Variants in DEGS1 observed in about 807,000 individuals in gnomAD.
The protein encoded by DEGS1 is sphingolipid delta(4)-desaturase DES1.
In DEGS1, 17 loss-of-function variants were observed where a neutral mutation model predicts 24.1. That is an observed-to-expected ratio of 0.70 (90% CI 0.48 to 1.06). DEGS1 has a LOEUF of 1.06. Among genes scored for constraint, DEGS1 ranks in the 50% least tolerant of loss-of-function variants. The pLI is 0.00. For missense variants in DEGS1, 366 were observed against 408.9 expected (o/e 0.90, Z 0.91); for synonymous variants, 134 against 140.0 (o/e 0.96, Z 0.30).
intron 1 of DEGS1, among the ~76,000 whole-genome samples, chr1:224,187,557 T>A (rs566708636): frequency 9.2e-5 from 14 of 152,024 alleles, no homozygotes; most frequent in Admixed American, 3.9e-4. Context: ...ATAGAATCTG[T>A]TTGCCCAGGC....
intron 1 of DEGS1, among the ~76,000 whole-genome samples, chr1:224,184,140 A>G (rs1430892779): frequency 2.0e-5 from 3 of 152,202 alleles, no homozygotes; most frequent in Admixed American, 1.3e-4. Flanking sequence ...TTTGTGGATG[A>G]AAAGACTGAA....
In DEGS1 at chr1:224,186,354, C is replaced by T. The variant is rs551278494; in HGVS notation, c.82+2936C>T. On this transcript the variant is annotated intron_variant, in intron 1 of 2. Coordinates refer to ENST00000323699, the MANE Select transcript of DEGS1 (RefSeq NM_003676.4). ...AGAAGGTGCTGATTGATACTTACCT[C>T]ACACTGAGCCTTTTTTCCCCCCACA... is the stretch of plus-strand genomic sequence containing the variant. Among the ~76,000 whole-genome samples the T allele has an allele frequency of 2.0e-5, 3 of 152,038 alleles. No individual in the cohort carries two copies. The South Asian group carries it at 6.2e-4, about 32-fold the overall frequency.
chr1:224,186,270 C>T (rs1204830704), intron 1 of DEGS1, among the ~76,000 whole-genome samples: 3 of 152,004 alleles, frequency 2.0e-5, no homozygotes, highest in African/African-American at 7.3e-5. Context: ...ATTGCCCCAC[C>T]GCGTTCCAGC....
At chr1:224,185,743 C>G (rs915096604) in intron 1 of DEGS1, among the ~76,000 whole-genome samples, 1 of 151,996 alleles carries the variant, frequency 6.6e-6, no homozygotes, top group Non-Finnish European at 1.5e-5. Context: ...ATGCGCCTGC[C>G]ATGGCCTCCC....
In DEGS1 at chr1:224,189,623, G is replaced by A. The variant is rs1338046915; in HGVS notation, c.129G>A (p.Leu43=). The change falls in exon 2 of 3, where the codon TTG becomes TTA. Residue 43 remains leucine (L), a synonymous_variant. Coordinates refer to ENST00000323699, the MANE Select transcript of DEGS1 (RefSeq NM_003676.4). The part of the protein sequence containing the change: ...IKSLMKPDPN[L]IWIIIMMVLT... ...CCTTGATGAAACCTGATCCCAATTT[G>A]ATATGGATTATAATTATGATGGTTC... 1 of 1,612,334 alleles carries A rather than the reference G, an allele frequency of 6.2e-7. No individual in the cohort carries two copies. The highest frequency in any genetic ancestry group is 2.2e-5 in the East Asian group (1 of 44,866).
Position 224,189,686 on chromosome 1 carries a change from G to A in DEGS1, c.192G>A (p.Leu64=), listed in dbSNP as rs759581225. Reference sequence around the variant, plus strand: ...GTGCATTTTACATAGTAAAAGACTTGGACTGGAAATGGGTCATATTTGGGG... The same window carrying A: ...GTGCATTTTACATAGTAAAAGACTTAGACTGGAAATGGGTCATATTTGGGG... ...QLGAFYIVKD[L]DWKWVIFGAY... Residue 64 remains leucine, a synonymous_variant, in exon 2 of 3, where the codon TTG becomes TTA. Coordinates refer to ENST00000323699, the MANE Select transcript of DEGS1 (RefSeq NM_003676.4). 1.2e-6 allele frequency: 2 copies of A among 1,614,142 alleles called. No individual in the cohort carries two copies. The highest frequency in any genetic ancestry group is 2.2e-5 in the South Asian group (2 of 91,078).
intron 2 of DEGS1, among the ~76,000 whole-genome samples, chr1:224,191,389 C>CAAAAAAAAAAAA (rs111834890): frequency 8.1e-6 from 1 of 123,094 alleles, no homozygotes; most frequent in Non-Finnish European, 1.7e-5. Context: ...AACTCCGTCT[C>CAAAAAAAAAAAA]AAAAAAAAAA....
chr1:224,184,620 T>C (rs1164543985), intron 1 of DEGS1, among the ~76,000 whole-genome samples: 1 of 152,130 alleles, frequency 6.6e-6, no homozygotes, highest in African/African-American at 2.4e-5. Flanking sequence ...CAAGCGATTC[T>C]TCTGTCTCAG....
Position 224,183,414 on chromosome 1 carries a change from C to T in DEGS1, c.78C>T (p.Ile26=). ...DQPHADRRRE[I]LAKYPEIKSL... Reference sequence around the variant, plus strand: ...CGCACGCCGACCGGCGCCGGGAGATCCTGGGTGAGGGCCAGCGGGCGCCCC... The same window carrying T: ...CGCACGCCGACCGGCGCCGGGAGATTCTGGGTGAGGGCCAGCGGGCGCCCC... Residue 26 remains isoleucine, a synonymous_variant, in exon 1 of 3, where the codon ATC becomes ATT. Transcript: ENST00000323699. The T allele has an allele frequency of 7.0e-7, 1 of 1,420,568 alleles. No individual in the cohort carries two copies. Among genetic ancestry groups the T allele is most frequent in the South Asian group, 1.5e-5 (1 of 66,178 alleles). 88.0% of individuals were successfully genotyped at this position (1,420,568 alleles called of 1,614,324 possible).
At position 224,192,206 on chromosome 1, in the gene DEGS1, AAGAG is replaced by A. The variant is rs1451560857; in HGVS notation, c.826-121_826-118del. ...GCTGCTGCTGCTTTTTTTTTTTTTT[AAGAG>A]AGAGGAGGGAGGCAGGTCTCATGGT... is the stretch of plus-strand genomic sequence containing the variant. On this transcript the variant is annotated intron_variant, in intron 2 of 2. Transcript: ENST00000323699. The A allele has an allele frequency of 8.0e-5, 53 of 659,126 alleles. No individual in the cohort carries two copies. The East Asian group carries it at 1.6e-3, about 20-fold the overall frequency. The allele number at this position is 659,126 out of a possible 1,614,324, so 40.8% of individuals were successfully genotyped here. A position where few individuals can be genotyped will look rare whatever the true frequency, so the allele number is the denominator to read the frequency against.
intron 1 of DEGS1, among the ~76,000 whole-genome samples, chr1:224,186,316 G>C (rs771849038): frequency 6.6e-6 from 1 of 151,624 alleles, no homozygotes; most frequent in South Asian, 2.1e-4. Flanking sequence ...AAGAAAAAGA[G>C]ATGAAGGAAG....
At chr1:224,183,485 T>A (rs1658288165) in intron 1 of DEGS1, 67 bp downstream of exon 1, 11 of 1,203,792 alleles carry the variant, frequency 9.1e-6, no homozygotes, top group Non-Finnish European at 1.2e-5. Flanking sequence ...CGCTCTCCCC[T>A]CGCGGGCCCT....
intron 1 of DEGS1, among the ~76,000 whole-genome samples, chr1:224,184,088 G>GT (rs2102651270): frequency 6.6e-6 from 1 of 152,364 alleles, no homozygotes; most frequent in South Asian, 2.1e-4. Flanking sequence ...AGCCTGGGAC[G>GT]TAAGAACGGC....
intron 2 of DEGS1, among the ~76,000 whole-genome samples, chr1:224,191,613 T>TTG (rs1219458272): frequency 1.5e-5 from 2 of 136,836 alleles, no homozygotes; most frequent in East Asian, 4.5e-4. Flanking sequence ...TTTTTTTTTT[T>TTG]TGAGATGGAG....
Position 224,192,627 on chromosome 1 carries a change from G to C in DEGS1, c.*149G>C. On this transcript the variant is annotated 3_prime_UTR_variant, in exon 3 of 3. Coordinates refer to ENST00000323699, the MANE Select transcript of DEGS1 (RefSeq NM_003676.4). ...TCGGTGATACCAAGAAGTGAATCTG[G>C]CTTTTAAACAGTCAGCCTGACTCTG... The C allele has an allele frequency of 1.4e-6, 1 of 705,424 alleles. No homozygotes were observed. Among genetic ancestry groups the C allele is most frequent in the Non-Finnish European group, 2.3e-6 (1 of 430,806 alleles). The allele number at this position is 705,424 out of a possible 1,614,324, so 43.7% of individuals were successfully genotyped here. A position where few individuals can be genotyped will look rare whatever the true frequency, so the allele number is the denominator to read the frequency against.
chr1:224,189,756 A>G lies in DEGS1; in HGVS notation c.262A>G (p.Ile88Val), dbSNP rs1658485666. ...SCINHSMTLA[I>V]HEIAHNAAFG... is the part of the protein sequence containing the mutation. ...CATTAACCACTCAATGACTCTGGCTATTCATGAGATTGCCCACAATGCTGC... is the reference window on the plus strand; with the variant it reads ...CATTAACCACTCAATGACTCTGGCTGTTCATGAGATTGCCCACAATGCTGC... The change falls in exon 2 of 3, where the codon ATT (isoleucine) becomes GTT (valine). Residue 88 changes from isoleucine (I) to valine (V), a missense_variant. By Grantham distance (29) the Ile-to-Val change is conservative (BLOSUM62 3). Coordinates refer to ENST00000323699, the MANE Select transcript of DEGS1 (RefSeq NM_003676.4). 2 of 1,614,186 alleles carry G rather than the reference A, an allele frequency of 1.2e-6. No individual in the cohort carries two copies. Among genetic ancestry groups the G allele is most frequent in the Non-Finnish European group, 1.7e-6 (2 of 1,180,022 alleles).
intron 1 of DEGS1, among the ~76,000 whole-genome samples, chr1:224,185,478 A>G (rs1658357924): frequency 6.6e-6 from 1 of 151,964 alleles, no homozygotes; most frequent in Admixed American, 6.6e-5. Flanking sequence ...TTGGCACATC[A>G]CTTACACATA....
Position 224,189,744 on chromosome 1 carries a change from A to G in DEGS1, c.250A>G (p.Met84Val), listed in dbSNP as rs755455003. 30 of 1,614,048 alleles carry G rather than the reference A, an allele frequency of 1.9e-5. 1 individual carries two copies. The highest frequency in any genetic ancestry group is 6.7e-5 in the African/African-American group (5 of 74,924). ...GTTTGGCAGTTGCATTAACCACTCA[A>G]TGACTCTGGCTATTCATGAGATTGC... The part of the protein sequence containing the change: ...YAFGSCINHS[M>V]TLAIHEIAHN... The change falls in exon 2 of 3, where the codon ATG (methionine) becomes GTG (valine). Residue 84 changes from methionine to valine, a missense_variant. Physicochemically the swap from Met to Val is conservative, Grantham distance 21. Transcript: ENST00000323699.
intron 2 of DEGS1, among the ~76,000 whole-genome samples, chr1:224,191,820 C>G (rs1157359299): frequency 2.6e-5 from 4 of 151,990 alleles, no homozygotes; most frequent in Non-Finnish European, 4.4e-5. Flanking sequence ...TGGTCTCGAA[C>G]TCCTGACCTC....
Sources: gnomAD v4.1 joint callset for allele counts (sites outside exome capture counted in the v4.1 genomes callset) on GRCh38, gnomAD v4.1.1 for gene constraint, MANE v1.5 for transcripts, NCBI Gene and HGNC (gene_info 2026-07-23, HGNC 2026-07-21) for gene names.